MBNL3: variants seen among roughly 807,000 people sequenced by gnomAD.
The protein encoded by MBNL3 is muscleblind-like protein 3.
In MBNL3, 6 loss-of-function variants were observed where a neutral mutation model predicts 24.5. That is an observed-to-expected ratio of 0.25 (90% CI 0.13 to 0.48). The LOEUF (loss-of-function observed/expected upper bound fraction) is 0.48, where lower values mean the gene tolerates loss of function less well. Among genes scored for constraint, MBNL3 ranks in the 20% least tolerant of loss-of-function variants. The pLI, the probability that MBNL3 is intolerant of heterozygous loss-of-function variation, is 0.99. For synonymous variants in MBNL3, 100 were observed against 101.7 expected, an observed-to-expected ratio of 0.98 and a Z score of 0.10; for missense variants, 230 against 293.5, an observed-to-expected ratio of 0.78 and a Z score of 1.58.
At position 132,375,550 on chromosome X, in the gene MBNL3, A is replaced by G. The variant is rs1245994652; in HGVS notation, c.*4116T>C. On this transcript the variant is annotated 3_prime_UTR_variant, in exon 9 of 9. Coordinates refer to ENST00000370853, the MANE Select transcript of MBNL3 (RefSeq NM_001386889.1). ...GTACCAATTAGTGAGTTATATTTACAGTTTGATTAGGCTAGTAACTAAATT... is the reference window on the plus strand; with the variant it reads ...GTACCAATTAGTGAGTTATATTTACGGTTTGATTAGGCTAGTAACTAAATT... 9.0e-6 allele frequency: 1 copy of G among 111,597 alleles called. No homozygotes were observed. Among genetic ancestry groups the G allele is most frequent in the Non-Finnish European group, 1.9e-5 (1 of 52,912 alleles). The allele number at this position is 111,597 out of a possible 1,213,427, so 9.2% of individuals were successfully genotyped here.
intron 2 of MBNL3, among the ~76,000 whole-genome samples, chrX:132,422,125 CTATGTG>C (rs911555995): frequency 1.9e-5 from 2 of 104,007 alleles, no homozygotes; most frequent in African/African-American, 3.8e-5. Flanking sequence ...TCTGAATATA[CTATGTG>C]TGTGTGTGTG....
intron 1 of MBNL3, among the ~76,000 whole-genome samples, chrX:132,485,291 T>C (rs1197969697): frequency 1.8e-5 from 2 of 111,765 alleles, no homozygotes; most frequent in Non-Finnish European, 3.8e-5. Context: ...CCCAGGCAAT[T>C]TGGAAGTCCC....
At chrX:132,400,030 C>A (rs745442002) in intron 3 of MBNL3, among the ~76,000 whole-genome samples, 48 of 110,411 alleles carry the variant, frequency 4.3e-4, no homozygotes, top group African/African-American at 1.5e-3. Context: ...TGTAATTTAT[C>A]TCACGGGAAT....
chrX:132,396,971 A>AAT lies in MBNL3; in HGVS notation c.343-4639_343-4638dup, dbSNP rs1223636218. ...ATTCATATATATTCATATATATATG[A>AAT]ATATATATGAATATATATGTATATG... On this transcript the variant is annotated intron_variant, in intron 3 of 8. Transcript: ENST00000370853. Among the ~76,000 whole-genome samples the AAT allele has an allele frequency of 3.8e-3, 303 of 78,823 alleles. 1 individual carries two copies. The highest frequency in any genetic ancestry group is 5.7e-3 in the Non-Finnish European group (249 of 43,439). 68.4% of individuals were successfully genotyped at this position (78,823 alleles called of 115,157 possible).
chrX:132,448,635 C>T lies in MBNL3; in HGVS notation c.-703-8321G>A, dbSNP rs953219489. 3.6e-5 allele frequency among the ~76,000 whole-genome samples: 4 copies of T among 111,350 alleles called. No homozygotes were observed. The Admixed American group carries it at 3.8e-4, about 11-fold the overall frequency. On this transcript the variant is annotated intron_variant, in intron 1 of 8. Transcript: ENST00000370853. ...TTTGAAGGGTTTTTCGTGTCTCTAG[C>T]TCCTTTAGTTCTGCTCTGATCTTAG...
chrX:132,473,885 G>A (rs1364526752), intron 1 of MBNL3, among the ~76,000 whole-genome samples: 1 of 111,367 alleles, frequency 9.0e-6, no homozygotes, highest in Non-Finnish European at 1.9e-5. Context: ...AATTCGCATC[G>A]TTTTCCGCTT....
chrX:132,379,824 T>C (rs1934513682), intron 8 of MBNL3, 147 bp from the exon 9 acceptor site: 1 of 459,651 alleles, frequency 2.2e-6, no homozygotes, highest in African/African-American at 2.4e-5. Flanking sequence ...CAGATTGAAA[T>C]GGGGCTTTTG....
chrX:132,391,669 C>T lies in MBNL3; in HGVS notation c.534+474G>A, dbSNP rs189504066. On this transcript the variant is annotated intron_variant, in intron 4 of 8. Coordinates refer to ENST00000370853, the MANE Select transcript of MBNL3 (RefSeq NM_001386889.1). ...TTTCAGATTTTCTTTTCTTAGGCAT[C>T]GGGGTTATTTACTGCCTAGCACATC... is the stretch of plus-strand genomic sequence containing the variant. Among the ~76,000 whole-genome samples the T allele has an allele frequency of 2.2e-3, 251 of 112,056 alleles. 1 individual carries two copies. Among genetic ancestry groups the T allele is most frequent in the African/African-American group, 8.0e-3 (247 of 30,924 alleles).
At chrX:132,482,849 T>C (rs1213909880) in intron 1 of MBNL3, among the ~76,000 whole-genome samples, 5 of 112,154 alleles carry the variant, frequency 4.5e-5, no homozygotes, top group Non-Finnish European at 7.5e-5. Context: ...AGAGTGCATA[T>C]TGACACAGCC....
chrX:132,396,753 C>CAT (rs1318603417), intron 3 of MBNL3, among the ~76,000 whole-genome samples: 1 of 8,067 alleles, frequency 1.2e-4, no homozygotes, highest in Non-Finnish European at 2.6e-4. Context: ...TATATATATT[C>CAT]ATATATATAT....
intron 2 of MBNL3, among the ~76,000 whole-genome samples, chrX:132,421,760 C>G (rs1441870460): frequency 1.8e-5 from 2 of 111,261 alleles, no homozygotes; most frequent in Non-Finnish European, 3.8e-5. Context: ...CATGGAGCAT[C>G]ACACTCTAGT....
chrX:132,413,239 C>A (rs1426299916), intron 2 of MBNL3, among the ~76,000 whole-genome samples: 1 of 111,688 alleles, frequency 9.0e-6, no homozygotes, highest in Non-Finnish European at 1.9e-5. Context: ...CAGCTGCTTG[C>A]CCCCTTTATT....
intron 3 of MBNL3, among the ~76,000 whole-genome samples, chrX:132,395,158 C>T (rs1937871572): frequency 9.0e-6 from 1 of 111,397 alleles, no homozygotes; most frequent in Non-Finnish European, 1.9e-5. Context: ...TTTCTCACCA[C>T]CACCTCTGCC....
At chrX:132,420,056 C>T (rs1362276318) in intron 2 of MBNL3, among the ~76,000 whole-genome samples, 1 of 111,165 alleles carries the variant, frequency 9.0e-6, no homozygotes, top group Non-Finnish European at 1.9e-5. Context: ...TGGTGGCAAG[C>T]CTCTTGTTCT....
At chrX:132,489,108 C>T (rs1248567980), upstream of MBNL3, 1 of 113,748 alleles carries the variant, frequency 8.8e-6, no homozygotes, top group Non-Finnish European at 1.9e-5. Flanking sequence ...AGGGCTGGGA[C>T]TTGCAACCCG....
chrX:132,440,384 A>G (rs1945329624), intron 1 of MBNL3, among the ~76,000 whole-genome samples, 70 bp from the exon 2 acceptor site: 1 of 112,211 alleles, frequency 8.9e-6, no homozygotes, highest in African/African-American at 3.2e-5. Flanking sequence ...TAGATTTGGA[A>G]AAGAAGTAAC....
intron 2 of MBNL3, among the ~76,000 whole-genome samples, chrX:132,408,544 T>C (rs1195317349): frequency 9.0e-6 from 1 of 111,723 alleles, no homozygotes; most frequent in Non-Finnish European, 1.9e-5. Flanking sequence ...ATCATCTACA[T>C]TGAATGTAAT....
intron 3 of MBNL3, among the ~76,000 whole-genome samples, chrX:132,396,394 CTATA>C (rs1391878436): frequency 1.3e-5 from 1 of 75,396 alleles, no homozygotes; most frequent in Non-Finnish European, 2.4e-5. Context: ...ATATATATTC[CTATA>C]TATATTCATA....
intron 2 of MBNL3, among the ~76,000 whole-genome samples, chrX:132,434,611 G>A (rs1945005141): frequency 8.9e-6 from 1 of 111,875 alleles, no homozygotes; most frequent in Admixed American, 9.4e-5. Context: ...CTGCGTGTGG[G>A]TTTCTTTTTT....
Sources: gnomAD v4.1 joint callset for allele counts (sites outside exome capture counted in the v4.1 genomes callset) on GRCh38, gnomAD v4.1.1 for gene constraint, MANE v1.5 for transcripts, NCBI Gene and HGNC (gene_info 2026-07-23, HGNC 2026-07-21) for gene names.